The following GRIA2 variants were observed in gnomAD, a reference collection of about 807,000 sequenced individuals.
GRIA2 encodes the protein glutamate ionotropic receptor AMPA type subunit 2, also known as glutamate receptor 2.
Under a neutral mutation model 97.3 loss-of-function variants are expected in GRIA2, and 14 were observed. That is an observed-to-expected ratio of 0.14 (90% CI 0.10 to 0.23). The LOEUF is 0.23. GRIA2 is among the 10% of genes least tolerant of loss of function. The pLI, the probability that GRIA2 is intolerant of heterozygous loss-of-function variation, is 1.00. For synonymous variants in GRIA2, 412 were observed against 387.8 expected, an observed-to-expected ratio of 1.06 and a Z score of -0.73; for missense variants, 558 against 1,069.8, an observed-to-expected ratio of 0.52 and a Z score of 6.67.
chr4:157,273,972 C>T (rs1399604873), intron 2 of GRIA2, among the ~76,000 whole-genome samples: 1 of 151,976 alleles, frequency 6.6e-6, no homozygotes, highest in Non-Finnish European at 1.5e-5. Context: ...AATAAACATA[C>T]ATGGGAAAAA....
chr4:157,300,109 C>T (rs903325998), intron 2 of GRIA2, among the ~76,000 whole-genome samples: 3 of 137,564 alleles, frequency 2.2e-5, no homozygotes, highest in African/African-American at 8.2e-5. Flanking sequence ...AGTAAACCTT[C>T]CTTCATTACA....
At chr4:157,235,074 A>G (rs1730184621) in intron 2 of GRIA2, among the ~76,000 whole-genome samples, 1 of 152,134 alleles carries the variant, frequency 6.6e-6, no homozygotes, top group African/African-American at 2.4e-5. Flanking sequence ...CCTTTGGTCA[A>G]AATTACTCTT....
intron 2 of GRIA2, among the ~76,000 whole-genome samples, chr4:157,237,629 G>C (rs1730313243): frequency 6.6e-6 from 1 of 152,018 alleles, no homozygotes; most frequent in Non-Finnish European, 1.5e-5. Context: ...CAAACAAATA[G>C]GGAATTTACC....
intron 2 of GRIA2, among the ~76,000 whole-genome samples, chr4:157,299,290 T>C (rs187963734): frequency 1.1e-3 from 168 of 152,070 alleles, no homozygotes; most frequent in Non-Finnish European, 2.0e-3. Flanking sequence ...ATGCATGGGG[T>C]TAATGTCACA....
Position 157,332,875 on chromosome 4 carries a change from C to A in GRIA2, c.939C>A (p.Asn313Lys). ...AAGTGATGACTGAAGCCTTCCGCAACCTAAGGAAGCAAAGAATTGAAATCT... is the reference window on the plus strand; with the variant it reads ...AAGTGATGACTGAAGCCTTCCGCAAACTAAGGAAGCAAAGAATTGAAATCT... Reference protein sequence around the residue: ...AVQVMTEAFRNLRKQRIEISR... With the variant: ...AVQVMTEAFRKLRKQRIEISR... The change falls in exon 7 of 16, where the codon AAC (asparagine) becomes AAA (lysine). Residue 313 changes from asparagine to lysine, a missense_variant. By Grantham distance (94) the Asn-to-Lys change is moderately conservative. This residue lies in a region of GRIA2 where 173 missense variants were observed against 209.1 expected (regional missense o/e 0.83). Transcript: ENST00000264426. The A allele has an allele frequency of 1.2e-6, 2 of 1,612,436 alleles. No individual in the cohort carries two copies. Among genetic ancestry groups the A allele is most frequent in the Non-Finnish European group, 1.7e-6 (2 of 1,178,818 alleles).
chr4:157,243,952 A>G (rs573520158), intron 2 of GRIA2, among the ~76,000 whole-genome samples: 2 of 152,176 alleles, frequency 1.3e-5, no homozygotes, highest in South Asian at 2.1e-4. Flanking sequence ...AAAAAAAAAG[A>G]TTATAGCTTG....
chr4:157,364,850 G>A lies in GRIA2; in HGVS notation c.*1419G>A, dbSNP rs1470568238. 5 of 151,594 alleles carry A rather than the reference G, an allele frequency of 3.3e-5. No homozygotes were observed. Among genetic ancestry groups the A allele is most frequent in the African/African-American group, 4.8e-5 (2 of 41,316 alleles). The allele number at this position is 151,594 out of a possible 1,614,324, so 9.4% of individuals were successfully genotyped here. ...TATTTTTATATTTATTCCTCAGGTG[G>A]AATGGCTATTTTAATATGCCCAGTG... On this transcript the variant is annotated 3_prime_UTR_variant, in exon 16 of 16. Coordinates refer to ENST00000264426, the MANE Select transcript of GRIA2 (RefSeq NM_001083619.3).
Position 157,233,892 on chromosome 4 carries a change from A to G in GRIA2, c.229+12085A>G, listed in dbSNP as rs563451439. On this transcript the variant is annotated intron_variant, in intron 2 of 15. Transcript: ENST00000264426. ...GTTATTATACCCATTTACAGAAAAC[A>G]AAACAGAAATTTATGTGATTTGTTC... 3.9e-5 allele frequency among the ~76,000 whole-genome samples: 6 copies of G among 152,274 alleles called. No individual in the cohort carries two copies. The East Asian group carries it at 1.2e-3, about 29-fold the overall frequency.
chr4:157,361,786 G>C lies in GRIA2; in HGVS notation c.2406+662G>C. The C allele has an allele frequency of 1.6e-6, 1 of 629,312 alleles. No homozygotes were observed. Among genetic ancestry groups the C allele is most frequent in the Non-Finnish European group, 2.8e-6 (1 of 352,176 alleles). The allele number at this position is 629,312 out of a possible 1,614,324, so 39.0% of individuals were successfully genotyped here. ...AAATATGCATGAGATGCATAATTTG[G>C]TAAGATGTTTTGGTAATGCCTGCAG... On this transcript the variant is annotated intron_variant, in intron 14 of 15. Transcript: ENST00000264426. The surrounding 1 kb of genome is among the most constrained non-coding windows in gnomAD (Gnocchi z 5.2).
intron 2 of GRIA2, among the ~76,000 whole-genome samples, chr4:157,262,600 G>C (rs1435099738): frequency 6.6e-6 from 1 of 151,930 alleles, no homozygotes; most frequent in African/African-American, 2.4e-5. Context: ...TCTAAGCCTT[G>C]CCCCCAATTT....
chr4:157,243,666 T>C (rs1730603975), intron 2 of GRIA2, among the ~76,000 whole-genome samples: 1 of 152,142 alleles, frequency 6.6e-6, no homozygotes, highest in East Asian at 1.9e-4. Flanking sequence ...TTGCTATTCT[T>C]TTCACTGGGA....
intron 2 of GRIA2, among the ~76,000 whole-genome samples, chr4:157,242,631 T>C (rs1730558619): frequency 6.6e-6 from 1 of 152,120 alleles, no homozygotes; most frequent in African/African-American, 2.4e-5. Context: ...TTACAGTAGT[T>C]ATGTTCTAAA....
At chr4:157,253,122 GT>G (rs546021162) in intron 2 of GRIA2, among the ~76,000 whole-genome samples, 222 of 141,058 alleles carry the variant, frequency 1.6e-3, no homozygotes, top group East Asian at 0.011. Context: ...CCACCTTTTT[GT>G]TTTTTTTTTT....
At chr4:157,257,449 C>G (rs572891541) in intron 2 of GRIA2, among the ~76,000 whole-genome samples, 4 of 151,958 alleles carry the variant, frequency 2.6e-5, no homozygotes, top group Non-Finnish European at 5.9e-5. Flanking sequence ...GATCAATGAG[C>G]CTTTGACTAC....
rs189811257 is a variant in GRIA2 at position 157,289,603 on chromosome 4, C to T, written c.230-13949C>T. Among the ~76,000 whole-genome samples the T allele has an allele frequency of 6.0e-4, 91 of 151,722 alleles. No homozygotes were observed. The East Asian group carries it at 0.011, about 18-fold the overall frequency. On this transcript the variant is annotated intron_variant, in intron 2 of 15. Coordinates refer to ENST00000264426, the MANE Select transcript of GRIA2 (RefSeq NM_001083619.3). ...CTTATCTTCATTTAACTTGTTACTT[C>T]GAATTGTTTTCTTGTGACTTGTGAC...
At chr4:157,282,637 C>A (rs1186434986) in intron 2 of GRIA2, among the ~76,000 whole-genome samples, 2 of 152,028 alleles carry the variant, frequency 1.3e-5, no homozygotes, top group Non-Finnish European at 2.9e-5. Flanking sequence ...AAGGAGATAG[C>A]TTTATCCTGT....
intron 6 of GRIA2, among the ~76,000 whole-genome samples, chr4:157,329,125 A>C (rs1734936193): frequency 6.6e-6 from 1 of 151,988 alleles, no homozygotes; most frequent in African/African-American, 2.4e-5. Context: ...TTTATAATAC[A>C]TTTCCTCATA....
intron 2 of GRIA2, among the ~76,000 whole-genome samples, chr4:157,267,903 T>C (rs1254667750): frequency 6.6e-6 from 1 of 152,026 alleles, no homozygotes; most frequent in Admixed American, 6.6e-5. Context: ...GTATGAAAAG[T>C]TGAAGTGTTG....
chr4:157,260,290 T>C (rs1731469640), intron 2 of GRIA2, among the ~76,000 whole-genome samples: 1 of 152,120 alleles, frequency 6.6e-6, no homozygotes, highest in Non-Finnish European at 1.5e-5. Flanking sequence ...ATTCATACTG[T>C]TAATTACAAT....
Sources: allele counts gnomAD v4.1 joint callset (sites outside exome capture counted in the v4.1 genomes callset), GRCh38; gene constraint gnomAD v4.1.1; regional missense constraint gnomAD v4.1.1; non-coding constraint Gnocchi (gnomAD v3.1); transcripts MANE v1.5; gene names NCBI Gene and HGNC (gene_info 2026-07-23, HGNC 2026-07-21).